The following BICC1 variants were observed in gnomAD, a reference collection of about 807,000 sequenced individuals.
BICC1 encodes the protein protein bicaudal C homolog 1.
BICC1 carries 43 observed loss-of-function variants against 111.0 expected under a neutral mutation model. The observed-to-expected ratio is 0.39, with a 90% CI of 0.30 to 0.50. The LOEUF (loss-of-function observed/expected upper bound fraction) is 0.50. BICC1 is among the 20% of genes least tolerant of loss of function. The probability of loss-of-function intolerance (pLI) is 0.88; values close to 1 mark genes in which losing one functional copy is unlikely to be tolerated. For missense variants in BICC1, 1,091 were observed against 1,203.2 expected, an observed-to-expected ratio of 0.91 and a Z score of 1.38; for synonymous variants, 467 against 434.4, an observed-to-expected ratio of 1.07 and a Z score of -0.93.
At chr10:58,718,981 A>T (rs1840851428) in intron 3 of BICC1, among the ~76,000 whole-genome samples, 2 of 151,950 alleles carry the variant, frequency 1.3e-5, no homozygotes, top group Non-Finnish European at 2.9e-5. Flanking sequence ...AAATTTCTGA[A>T]TTTTTTCTAA....
rs75979288 is a variant in BICC1 at position 58,829,125 on chromosome 10, A to C, written c.*234A>C. Reference sequence around the variant, plus strand: ...TTTTTTAAAATGGCAGTTGGACAGAATTTGCAATATAAGGATAGGGCTTTA... The same window carrying C: ...TTTTTTAAAATGGCAGTTGGACAGACTTTGCAATATAAGGATAGGGCTTTA... On this transcript the variant is annotated 3_prime_UTR_variant, in exon 21 of 21. Transcript: ENST00000373886. 0.013 allele frequency: 4,782 copies of C among 374,594 alleles called. 56 individuals are homozygous for C. Among genetic ancestry groups the C allele is most frequent in the Non-Finnish European group, 0.019 (3,970 of 210,788 alleles). 23.2% of individuals were successfully genotyped at this position (374,594 alleles called of 1,614,324 possible).
chr10:58,531,302 A>G (rs1046207933), intron 1 of BICC1, among the ~76,000 whole-genome samples: 3 of 151,812 alleles, frequency 2.0e-5, no homozygotes, highest in Non-Finnish European at 4.4e-5. Flanking sequence ...AGAGGGTGCA[A>G]GAGACTGTAG....
chr10:58,624,550 G>A (rs1845926638), intron 2 of BICC1, among the ~76,000 whole-genome samples: 2 of 152,052 alleles, frequency 1.3e-5, no homozygotes, highest in Admixed American at 1.3e-4. Flanking sequence ...TAATTGACAT[G>A]CAAAAAGAGA....
intron 3 of BICC1, among the ~76,000 whole-genome samples, chr10:58,771,546 G>A (rs1842622766): frequency 6.6e-6 from 1 of 152,074 alleles, no homozygotes; most frequent in African/African-American, 2.4e-5. Flanking sequence ...ACTTTGCACT[G>A]GAGGGGCCTG....
intron 1 of BICC1, among the ~76,000 whole-genome samples, chr10:58,517,722 C>T (rs1277081179): frequency 1.3e-5 from 2 of 152,184 alleles, no homozygotes; most frequent in African/African-American, 4.8e-5. Flanking sequence ...GAGAATCCAT[C>T]ACTTGGCGAC....
At chr10:58,739,669 A>G (rs1242941736) in intron 3 of BICC1, among the ~76,000 whole-genome samples, 1 of 152,192 alleles carries the variant, frequency 6.6e-6, no homozygotes, top group Non-Finnish European at 1.5e-5. Flanking sequence ...TTTTGTTGTT[A>G]GAACCGATCT....
intron 1 of BICC1, among the ~76,000 whole-genome samples, chr10:58,545,703 A>G (rs2131896755): frequency 6.6e-6 from 1 of 152,260 alleles, no homozygotes; most frequent in Non-Finnish European, 1.5e-5. Flanking sequence ...TTTTGTCATC[A>G]GTAGAAGGAC....
At chr10:58,740,938 G>C (rs766646479) in intron 3 of BICC1, among the ~76,000 whole-genome samples, 1 of 152,178 alleles carries the variant, frequency 6.6e-6, no homozygotes, top group Non-Finnish European at 1.5e-5. Context: ...TTCATTAACC[G>C]TGGGAAATTA....
In BICC1 at chr10:58,830,563, T is replaced by C. The variant is rs1430721018; in HGVS notation, c.*1672T>C. 6.6e-6 allele frequency: 1 copy of C among 152,144 alleles called. No homozygotes were observed. Among genetic ancestry groups the C allele is most frequent in the African/African-American group, 2.4e-5 (1 of 41,446 alleles). 9.4% of individuals were successfully genotyped at this position (152,144 alleles called of 1,614,324 possible). ...ACTTTTCCATGGCTGAGTCTGACCA[T>C]TACAGTAAGAACAAGAATTGAAGAG... On this transcript the variant is annotated 3_prime_UTR_variant, in exon 21 of 21. Coordinates refer to ENST00000373886, the MANE Select transcript of BICC1 (RefSeq NM_001080512.3).
intron 2 of BICC1, among the ~76,000 whole-genome samples, chr10:58,665,388 C>G (rs1397760951): frequency 1.3e-5 from 2 of 152,118 alleles, no homozygotes; most frequent in African/African-American, 4.8e-5. Context: ...TCTGTTGACT[C>G]TCACTAATCA....
chr10:58,747,001 C>T (rs1306176995), intron 3 of BICC1, among the ~76,000 whole-genome samples: 4 of 152,106 alleles, frequency 2.6e-5, no homozygotes, highest in Admixed American at 2.6e-4. Flanking sequence ...GACATTCTCC[C>T]CAGCAACAGA....
chr10:58,806,087 A>G (rs1350926802), intron 15 of BICC1, among the ~76,000 whole-genome samples: 4 of 152,244 alleles, frequency 2.6e-5, no homozygotes, highest in African/African-American at 9.6e-5. Flanking sequence ...AGCAAAGACT[A>G]TGCCAGTTAG....
chr10:58,546,399 A>C (rs1843137825), intron 1 of BICC1, among the ~76,000 whole-genome samples: 1 of 152,228 alleles, frequency 6.6e-6, no homozygotes, highest in South Asian at 2.1e-4. Context: ...CCTGTTTTTC[A>C]AACCAAGTGG....
chr10:58,624,420 G>A (rs1845922354), intron 2 of BICC1, among the ~76,000 whole-genome samples: 1 of 152,072 alleles, frequency 6.6e-6, no homozygotes, highest in Non-Finnish European at 1.5e-5. Context: ...TAAGACTGTA[G>A]ATGTTATTTG....
intron 3 of BICC1, among the ~76,000 whole-genome samples, chr10:58,747,926 G>A (rs1214450433): frequency 2.0e-5 from 3 of 152,056 alleles, no homozygotes; most frequent in Non-Finnish European, 2.9e-5. Flanking sequence ...GTATGCTTTC[G>A]TGTTACGGAG....
intron 3 of BICC1, among the ~76,000 whole-genome samples, chr10:58,767,550 GAACACAATAATTTCTCAGT>G (rs1842492407): frequency 2.0e-5 from 3 of 152,046 alleles, no homozygotes; most frequent in African/African-American, 7.2e-5. Flanking sequence ...ACCAGCAAAA[GAACACAATAATTTCTCAGT>G]AACCATCCCC....
upstream of BICC1, among the ~76,000 whole-genome samples, chr10:58,512,741 C>A (rs1842120806): frequency 6.6e-6 from 1 of 151,518 alleles, no homozygotes; most frequent in African/African-American, 2.4e-5. Flanking sequence ...AGTGTGTGAG[C>A]GCCAGGGGCC....
At position 58,662,301 on chromosome 10, in the gene BICC1, A is replaced by G. The variant is rs116179958; in HGVS notation, c.238-39773A>G. Among the ~76,000 whole-genome samples, 570 of 152,360 alleles carry G rather than the reference A, an allele frequency of 3.7e-3. 3 individuals are homozygous for G. The highest frequency in any genetic ancestry group is 0.013 in the African/African-American group (545 of 41,584). On this transcript the variant is annotated intron_variant, in intron 2 of 20. Transcript: ENST00000373886. ...ACACAATTTATAATTTCGTTTCTAA[A>G]ATTATCTGAAGGAATTGGAAGGATA...
At chr10:58,743,641 G>A (rs1841740404) in intron 3 of BICC1, among the ~76,000 whole-genome samples, 1 of 152,056 alleles carries the variant, frequency 6.6e-6, no homozygotes, top group Admixed American at 6.6e-5. Context: ...TTCAGTGCAG[G>A]CTCACAGTGT....
Sources: gnomAD v4.1 joint callset for allele counts (sites outside exome capture counted in the v4.1 genomes callset) on GRCh38, gnomAD v4.1.1 for gene constraint, MANE v1.5 for transcripts, NCBI Gene and HGNC (gene_info 2026-07-23, HGNC 2026-07-21) for gene names.